KCNQ5: variants seen among roughly 807,000 people sequenced by gnomAD.
The protein encoded by KCNQ5 is potassium voltage-gated channel subfamily KQT member 5.
In KCNQ5, 30 loss-of-function variants were observed where a neutral mutation model predicts 98.2. That is an observed-to-expected ratio of 0.31 (90% CI 0.23 to 0.41). KCNQ5 has a LOEUF of 0.41. Among genes scored for constraint, KCNQ5 ranks in the 10% least tolerant of loss-of-function variants. The pLI is 1.00. For missense variants in KCNQ5, 835 were observed against 1,182.5 expected (o/e 0.71, Z 4.31); for synonymous variants, 458 against 449.4 (o/e 1.02, Z -0.24).
intron 1 of KCNQ5, among the ~76,000 whole-genome samples, chr6:72,705,596 T>G (rs112184528): frequency 3.3e-4 from 30 of 92,076 alleles, no homozygotes; most frequent in African/African-American, 1.5e-4. Flanking sequence ...TTTTGTTTTT[T>G]TTTTTGTTGT....
intron 1 of KCNQ5, among the ~76,000 whole-genome samples, chr6:72,897,583 C>T (rs1779303011): frequency 1.3e-5 from 2 of 152,102 alleles, no homozygotes; most frequent in African/African-American, 4.8e-5. Context: ...AGAGATGAAA[C>T]TTTTCTTAAC....
chr6:72,890,996 A>C (rs1487099539), intron 1 of KCNQ5, among the ~76,000 whole-genome samples: 1 of 152,214 alleles, frequency 6.6e-6, no homozygotes, highest in Non-Finnish European at 1.5e-5. Flanking sequence ...GTGCTGGAAG[A>C]CTAGAGACAG....
chr6:72,965,283 G>C (rs781310698), intron 1 of KCNQ5, among the ~76,000 whole-genome samples: 4 of 152,176 alleles, frequency 2.6e-5, no homozygotes, highest in Non-Finnish European at 4.4e-5. Flanking sequence ...CAACATTAGT[G>C]AATCAACAAT....
At chr6:72,914,949 T>G (rs983669856) in intron 1 of KCNQ5, among the ~76,000 whole-genome samples, 9 of 152,136 alleles carry the variant, frequency 5.9e-5, no homozygotes, top group African/African-American at 2.2e-4. Flanking sequence ...CTTCTGGCTG[T>G]CTGGCTCTCT....
At chr6:72,911,170 A>G (rs1779927887) in intron 1 of KCNQ5, among the ~76,000 whole-genome samples, 1 of 152,210 alleles carries the variant, frequency 6.6e-6, no homozygotes, top group Non-Finnish European at 1.5e-5. Context: ...GAATGGAGAA[A>G]GAGTGGTGCA....
At chr6:72,689,392 CT>C (rs1218248957) in intron 1 of KCNQ5, among the ~76,000 whole-genome samples, 1 of 152,244 alleles carries the variant, frequency 6.6e-6, no homozygotes, top group Admixed American at 6.5e-5. Context: ...ACATCCCTAA[CT>C]CATCCAAAGT....
Position 73,195,599 on chromosome 6 carries a change from G to T in KCNQ5, c.*185G>T. 2 of 733,326 alleles carry T rather than the reference G, an allele frequency of 2.7e-6. No individual in the cohort carries two copies. The highest frequency in any genetic ancestry group is 4.3e-6 in the Non-Finnish European group (2 of 463,410). 45.4% of individuals were successfully genotyped at this position (733,326 alleles called of 1,614,324 possible). A position where few individuals can be genotyped will look rare whatever the true frequency, so the allele number is the denominator to read the frequency against. On this transcript the variant is annotated 3_prime_UTR_variant, in exon 14 of 14. Transcript: ENST00000370398. ...GTTTAGGGATGGCTAAAATTCCAAG[G>T]TGCATCGACATTAACCCACTCATTT...
At chr6:72,828,862 G>A (rs1326490380) in intron 1 of KCNQ5, among the ~76,000 whole-genome samples, 1 of 152,046 alleles carries the variant, frequency 6.6e-6, no homozygotes, top group African/African-American at 2.4e-5. Flanking sequence ...AGTTCTTAGA[G>A]GAAAACCTTC....
rs180894958 is a variant in KCNQ5, at chr6:73,014,051, A to T, written c.489+10053A>T. 2.1e-3 allele frequency among the ~76,000 whole-genome samples: 320 copies of T among 152,242 alleles called. 5 individuals carry two copies. The highest frequency in any genetic ancestry group is 0.015 in the East Asian group (78 of 5,176). The stretch of plus-strand genomic sequence containing the variant: ...CCCAGTTCACTTTGCTCAGGTGAGT[A>T]TCATGCTGTTGAAGTGAGTTCTCCT... On this transcript the variant is annotated intron_variant, in intron 2 of 13. Coordinates refer to ENST00000370398, the MANE Select transcript of KCNQ5 (RefSeq NM_019842.4).
At chr6:72,872,705 G>A (rs574616356) in intron 1 of KCNQ5, among the ~76,000 whole-genome samples, 2 of 151,962 alleles carry the variant, frequency 1.3e-5, no homozygotes, top group African/African-American at 2.4e-5. Flanking sequence ...TTACAACGAG[G>A]AAAAATTTTC....
At chr6:73,035,838 A>G (rs1771388524) in intron 2 of KCNQ5, among the ~76,000 whole-genome samples, 1 of 152,202 alleles carries the variant, frequency 6.6e-6, no homozygotes, top group Non-Finnish European at 1.5e-5. Flanking sequence ...GTTGTAAGAT[A>G]TAGTAGACAT....
intron 1 of KCNQ5, among the ~76,000 whole-genome samples, chr6:72,777,558 G>A (rs1773222248): frequency 6.6e-6 from 1 of 152,108 alleles, no homozygotes; most frequent in South Asian, 2.1e-4. Context: ...CTCCACCCTA[G>A]GAAGCAGCTC....
At chr6:73,044,465 A>G (rs1203489700) in intron 3 of KCNQ5, among the ~76,000 whole-genome samples, 3 of 152,210 alleles carry the variant, frequency 2.0e-5, no homozygotes, top group Non-Finnish European at 4.4e-5. Flanking sequence ...TAGGATAATT[A>G]TGAATTTTTT....
intron 11 of KCNQ5, among the ~76,000 whole-genome samples, chr6:73,182,561 T>A (rs1778439428): frequency 1.3e-5 from 2 of 152,182 alleles, no homozygotes; most frequent in African/African-American, 4.8e-5. Context: ...CCTTAGTATA[T>A]GAAATGCAAG....
intron 5 of KCNQ5, among the ~76,000 whole-genome samples, chr6:73,091,618 G>C (rs1246004744): frequency 6.6e-6 from 1 of 151,990 alleles, no homozygotes; most frequent in African/African-American, 2.4e-5. Context: ...CTGTTCCATT[G>C]GTCTATGTGC....
intron 1 of KCNQ5, among the ~76,000 whole-genome samples, chr6:72,627,328 C>T (rs2098918453): frequency 6.6e-6 from 1 of 152,028 alleles, no homozygotes; most frequent in African/African-American, 2.4e-5. Flanking sequence ...GACTGGGGAA[C>T]ACCAACACCA....
intron 2 of KCNQ5, among the ~76,000 whole-genome samples, chr6:73,023,051 G>T (rs1161871174): frequency 6.6e-6 from 1 of 152,178 alleles, no homozygotes; most frequent in African/African-American, 2.4e-5. Context: ...AGGAATAACT[G>T]GAATGGAGAA....
chr6:72,859,864 A>G (rs1052392599), intron 1 of KCNQ5, among the ~76,000 whole-genome samples: 5 of 152,108 alleles, frequency 3.3e-5, no homozygotes, highest in Non-Finnish European at 7.4e-5. Context: ...TGCTAGGATT[A>G]CAGGTGTGAG....
intron 1 of KCNQ5, among the ~76,000 whole-genome samples, chr6:72,857,006 C>T (rs1440331696): frequency 6.6e-6 from 1 of 152,208 alleles, no homozygotes; most frequent in African/African-American, 2.4e-5. Flanking sequence ...GGAAGATACT[C>T]TGTCACAAAG....
Sources: allele counts gnomAD v4.1 joint callset (sites outside exome capture counted in the v4.1 genomes callset), GRCh38; gene constraint gnomAD v4.1.1; transcripts MANE v1.5; gene names NCBI Gene and HGNC (gene_info 2026-07-23, HGNC 2026-07-21).